GRIP1: variants seen among roughly 807,000 people sequenced by gnomAD.
GRIP1 encodes glutamate receptor interacting protein 1, also known as glutamate receptor-interacting protein 1.
In GRIP1, 45 loss-of-function variants were observed where a neutral mutation model predicts 129.9. The observed-to-expected ratio is 0.35, with a 90% CI of 0.27 to 0.44. The LOEUF is 0.44. Among genes scored for constraint, GRIP1 ranks in the 20% least tolerant of loss-of-function variants. The pLI is 1.00. For missense variants in GRIP1, 1,196 were observed against 1,396.8 expected (o/e 0.86, Z 2.29); for synonymous variants, 530 against 520.8 (o/e 1.02, Z -0.24).
intron 1 of GRIP1, among the ~76,000 whole-genome samples, chr12:66,649,220 A>T (rs1050164337): frequency 3.3e-5 from 5 of 152,174 alleles, no homozygotes; most frequent in Non-Finnish European, 7.4e-5. Flanking sequence ...TAGTATTTTT[A>T]AAAAAGTATT....
At chr12:66,500,897 A>G (rs2060374477) in intron 7 of GRIP1, among the ~76,000 whole-genome samples, 1 of 152,236 alleles carries the variant, frequency 6.6e-6, no homozygotes, top group South Asian at 2.1e-4. Flanking sequence ...ATTCACATTA[A>G]AAGTATGATC....
Position 66,348,662 on chromosome 12 carries a change from C to A in GRIP1, c.*357G>T. The A allele has an allele frequency of 3.9e-6, 1 of 258,114 alleles. No homozygotes were observed. Among genetic ancestry groups the A allele is most frequent in the South Asian group, 5.4e-5 (1 of 18,522 alleles). The allele number at this position is 258,114 out of a possible 1,614,324, so 16.0% of individuals were successfully genotyped here. ...TGATTTCAAAGTGAATTAAGGAAATCATCACAGAGAATATTTTCAAACAGA... is the reference window on the plus strand; with the variant it reads ...TGATTTCAAAGTGAATTAAGGAAATAATCACAGAGAATATTTTCAAACAGA... On this transcript the variant is annotated 3_prime_UTR_variant, in exon 25 of 25. Transcript: ENST00000359742.
chr12:67,053,834 T>A (rs1266515565), intron 1 of GRIP1, among the ~76,000 whole-genome samples: 2 of 21,232 alleles, frequency 9.4e-5, no homozygotes, highest in Non-Finnish European at 3.1e-4. Context: ...AGAGACTCCA[T>A]CTCAAAAAAA....
At chr12:66,424,547 C>G (rs1308312840) in intron 14 of GRIP1, among the ~76,000 whole-genome samples, 1 of 152,076 alleles carries the variant, frequency 6.6e-6, no homozygotes, top group African/African-American at 2.4e-5. Flanking sequence ...CACTAACATA[C>G]TCATATACCC....
intron 14 of GRIP1, among the ~76,000 whole-genome samples, chr12:66,425,907 G>A (rs2057969817): frequency 6.6e-6 from 1 of 152,136 alleles, no homozygotes; most frequent in South Asian, 2.1e-4. Flanking sequence ...CACCAACATG[G>A]CACATGTATA....
At chr12:66,664,599 T>C (rs2033692495) in intron 1 of GRIP1, among the ~76,000 whole-genome samples, 1 of 152,158 alleles carries the variant, frequency 6.6e-6, no homozygotes, top group Non-Finnish European at 1.5e-5. Flanking sequence ...TCCTAAATAA[T>C]ATTTTGTGTC....
chr12:67,020,233 C>A (rs1208216036), intron 1 of GRIP1, among the ~76,000 whole-genome samples: 1 of 152,150 alleles, frequency 6.6e-6, no homozygotes, highest in Non-Finnish European at 1.5e-5. Context: ...AATCATTGAT[C>A]TTGCTTTATT....
intron 1 of GRIP1, among the ~76,000 whole-genome samples, chr12:66,676,037 T>C (rs1444370666): frequency 5.3e-5 from 8 of 152,208 alleles, no homozygotes; most frequent in Admixed American, 3.9e-4. Flanking sequence ...TGTGGAGTGA[T>C]CCAAGGACTT....
intron 1 of GRIP1, among the ~76,000 whole-genome samples, chr12:66,621,687 C>G (rs983952546): frequency 1.3e-5 from 2 of 152,114 alleles, no homozygotes; most frequent in African/African-American, 4.8e-5. Flanking sequence ...TTTTCCACAG[C>G]AGCTACACTA....
chr12:67,034,338 C>G (rs187398365), intron 1 of GRIP1, among the ~76,000 whole-genome samples: 7 of 152,216 alleles, frequency 4.6e-5, no homozygotes, highest in African/African-American at 1.7e-4. Context: ...CATGGCTTAA[C>G]GACAGGGATA....
intron 23 of GRIP1, among the ~76,000 whole-genome samples, chr12:66,358,614 A>C (rs1307652365): frequency 6.6e-6 from 1 of 152,004 alleles, no homozygotes; most frequent in African/African-American, 2.4e-5. Context: ...CTGCATGGCT[A>C]ATTTTTGTAG....
intron 7 of GRIP1, among the ~76,000 whole-genome samples, chr12:66,475,515 C>A (rs2059578007): frequency 6.6e-6 from 1 of 152,218 alleles, no homozygotes; most frequent in South Asian, 2.1e-4. Flanking sequence ...CCCAAATCAA[C>A]AGAATATACA....
chr12:66,825,183 GT>G (rs1354604045), intron 1 of GRIP1, among the ~76,000 whole-genome samples: 1 of 152,144 alleles, frequency 6.6e-6, no homozygotes, highest in Non-Finnish European at 1.5e-5. Context: ...GTAATAGCAT[GT>G]ATTTGTGGCC....
chr12:66,386,647 A>G (rs1207731045), intron 19 of GRIP1, among the ~76,000 whole-genome samples: 1 of 152,234 alleles, frequency 6.6e-6, no homozygotes, highest in East Asian at 1.9e-4. Context: ...AAACAAAAAA[A>G]GAAAAAAAAA....
At position 66,414,975 on chromosome 12, in the gene GRIP1, A is replaced by C. The variant is rs2057541637; in HGVS notation, c.1838+5745T>G. 1.5e-5 allele frequency among the ~76,000 whole-genome samples: 2 copies of C among 129,442 alleles called. 1 individual carries two copies. 84.9% of individuals were successfully genotyped at this position (129,442 alleles called of 152,430 possible). On this transcript the variant is annotated intron_variant, in intron 15 of 24. Coordinates refer to ENST00000359742, the MANE Select transcript of GRIP1 (RefSeq NM_001366722.1). ...AAAATAAAATAAAATAAAATAAAAT[A>C]AAATAAAATAAAATGGATTAAAGAC... is the stretch of plus-strand genomic sequence containing the variant.
chr12:66,788,838 T>C (rs1473448765), intron 1 of GRIP1, among the ~76,000 whole-genome samples: 1 of 152,122 alleles, frequency 6.6e-6, no homozygotes, highest in Non-Finnish European at 1.5e-5. Flanking sequence ...TGAGAGACCA[T>C]GAACCCGAGT....
intron 1 of GRIP1, among the ~76,000 whole-genome samples, chr12:66,619,072 G>A (rs190151216): frequency 3.3e-5 from 5 of 152,036 alleles, no homozygotes; most frequent in Admixed American, 2.0e-4. Context: ...AGTTGTTTGA[G>A]GTCTTCTTTG....
At chr12:67,019,342 T>TC (rs2042832561) in intron 1 of GRIP1, among the ~76,000 whole-genome samples, 1 of 152,172 alleles carries the variant, frequency 6.6e-6, no homozygotes, top group Non-Finnish European at 1.5e-5. Flanking sequence ...TACGGACGCT[T>TC]CCTTCTCAAC....
chr12:66,815,224 C>T (rs914229147), intron 1 of GRIP1, among the ~76,000 whole-genome samples: 1 of 152,124 alleles, frequency 6.6e-6, no homozygotes, highest in Non-Finnish European at 1.5e-5. Context: ...CGAGGTAGCA[C>T]ATTAGTGACT....
Sources: gnomAD v4.1 joint callset for allele counts (sites outside exome capture counted in the v4.1 genomes callset) on GRCh38, gnomAD v4.1.1 for gene constraint, MANE v1.5 for transcripts, NCBI Gene and HGNC (gene_info 2026-07-23, HGNC 2026-07-21) for gene names.